NEGR1: variants seen among roughly 807,000 people sequenced by gnomAD.
The protein encoded by NEGR1 is IgLON family member 4.
Under a neutral mutation model 40.9 loss-of-function variants are expected in NEGR1, and 10 were observed. That is an observed-to-expected ratio of 0.24 (90% CI 0.15 to 0.42). The LOEUF (loss-of-function observed/expected upper bound fraction) is 0.42, where lower values mean the gene tolerates loss of function less well. Ranked by LOEUF, NEGR1 falls within the 10% of genes least tolerant of loss-of-function variation. NEGR1 has a pLI of 1.00. For missense variants in NEGR1, 352 were observed against 438.9 expected (o/e 0.80, Z 1.77); for synonymous variants, 185 against 166.8 (o/e 1.11, Z -0.84).
intron 1 of NEGR1, among the ~76,000 whole-genome samples, chr1:72,016,672 C>T (rs1183383086): frequency 6.6e-6 from 1 of 152,168 alleles, no homozygotes; most frequent in Non-Finnish European, 1.5e-5. Flanking sequence ...TGCACAGCAA[C>T]TTATGAAAAC....
At chr1:72,103,726 C>T (rs1649028998) in intron 1 of NEGR1, among the ~76,000 whole-genome samples, 1 of 152,074 alleles carries the variant, frequency 6.6e-6, no homozygotes, top group African/African-American at 2.4e-5. Context: ...TTTATATTTT[C>T]TCTTTCTCCC....
At chr1:71,425,640 C>T (rs975435737) in intron 6 of NEGR1, among the ~76,000 whole-genome samples, 2 of 151,990 alleles carry the variant, frequency 1.3e-5, no homozygotes, top group Non-Finnish European at 2.9e-5. Flanking sequence ...CTGTGTGCAC[C>T]CCTCCACACA....
intron 4 of NEGR1, among the ~76,000 whole-genome samples, chr1:71,685,297 T>C (rs1253265181): frequency 6.6e-6 from 1 of 151,650 alleles, no homozygotes; most frequent in Non-Finnish European, 1.5e-5. Flanking sequence ...TCCTGGATTA[T>C]CAAATTCAAT....
At chr1:71,426,090 A>G (rs12142099) in intron 6 of NEGR1, among the ~76,000 whole-genome samples, 20,273 of 152,218 alleles carry the variant, frequency 0.13, 1,675 homozygotes, top group Middle Eastern at 0.21. Context: ...ATAATGAGTA[A>G]TGCCTTAGCT....
chr1:71,782,742 G>A (rs1656761647), intron 2 of NEGR1, among the ~76,000 whole-genome samples: 1 of 152,082 alleles, frequency 6.6e-6, no homozygotes, highest in Non-Finnish European at 1.5e-5. Flanking sequence ...CATAATATAA[G>A]TTCTGAGAAT....
intron 1 of NEGR1, among the ~76,000 whole-genome samples, chr1:71,990,918 A>ATATATTT (rs888701714): frequency 5.8e-5 from 6 of 104,206 alleles, no homozygotes; most frequent in African/African-American, 1.4e-4. Flanking sequence ...ATATATATAT[A>ATATATTT]TTTTTTTTTT....
At chr1:71,789,152 C>A (rs1418150644) in intron 2 of NEGR1, among the ~76,000 whole-genome samples, 1 of 152,090 alleles carries the variant, frequency 6.6e-6, no homozygotes, top group Non-Finnish European at 1.5e-5. Flanking sequence ...GATGAGGACC[C>A]TATCACAGAC....
intron 3 of NEGR1, among the ~76,000 whole-genome samples, chr1:71,705,201 TTA>T (rs1294087080): frequency 1.3e-5 from 2 of 152,146 alleles, no homozygotes; most frequent in African/African-American, 2.4e-5. Flanking sequence ...GAAGGCAAGG[TTA>T]TCTACTCTAA....
At chr1:71,565,016 C>T (rs1337055678) in intron 6 of NEGR1, among the ~76,000 whole-genome samples, 1 of 152,112 alleles carries the variant, frequency 6.6e-6, no homozygotes, top group African/African-American at 2.4e-5. Flanking sequence ...GGTAAGTACA[C>T]AAATTTTGCA....
At chr1:72,191,911 T>A (rs376510624) in intron 1 of NEGR1, among the ~76,000 whole-genome samples, 17 of 151,954 alleles carry the variant, frequency 1.1e-4, no homozygotes, top group African/African-American at 3.9e-4. Context: ...AAATCAATAC[T>A]CAGAAGCAAA....
chr1:72,213,915 A>C (rs974700913), intron 1 of NEGR1, among the ~76,000 whole-genome samples: 1 of 152,100 alleles, frequency 6.6e-6, no homozygotes, highest in Non-Finnish European at 1.5e-5. Context: ...ACAACAAAAA[A>C]AGAAAATTTC....
At chr1:71,685,192 C>T (rs760164674) in intron 4 of NEGR1, among the ~76,000 whole-genome samples, 6 of 152,098 alleles carry the variant, frequency 3.9e-5, no homozygotes, top group African/African-American at 1.4e-4. Context: ...GATTTCTCTT[C>T]CCATTTGGCT....
intron 1 of NEGR1, among the ~76,000 whole-genome samples, chr1:72,121,691 T>A (rs760838059): frequency 4.6e-5 from 7 of 151,796 alleles, no homozygotes; most frequent in Non-Finnish European, 8.8e-5. Context: ...TATCAATTGA[T>A]CTGTAAGAAC....
intron 1 of NEGR1, among the ~76,000 whole-genome samples, chr1:71,955,550 T>C (rs1050036294): frequency 6.6e-6 from 1 of 152,170 alleles, no homozygotes; most frequent in African/African-American, 2.4e-5. Flanking sequence ...TATACACTCA[T>C]TTCTTATATA....
At chr1:71,573,262 G>A (rs762502706) in intron 6 of NEGR1, among the ~76,000 whole-genome samples, 9 of 152,170 alleles carry the variant, frequency 5.9e-5, no homozygotes, top group Non-Finnish European at 1.0e-4. Context: ...AGATTGATAC[G>A]AAGTATGTAC....
intron 3 of NEGR1, among the ~76,000 whole-genome samples, chr1:71,757,804 G>A (rs1655794008): frequency 6.6e-6 from 1 of 152,040 alleles, no homozygotes; most frequent in African/African-American, 2.4e-5. Context: ...CACCAGTTTA[G>A]AAGGGCAATC....
At chr1:71,991,161 A>G (rs1646447189) in intron 1 of NEGR1, among the ~76,000 whole-genome samples, 1 of 152,132 alleles carries the variant, frequency 6.6e-6, no homozygotes, top group African/African-American at 2.4e-5. Flanking sequence ...TACAAGGACT[A>G]TTGCAATTAC....
At chr1:72,121,205 G>T (rs924049799) in intron 1 of NEGR1, among the ~76,000 whole-genome samples, 6 of 151,916 alleles carry the variant, frequency 3.9e-5, no homozygotes, top group Non-Finnish European at 7.4e-5. Context: ...ACACCCCAAA[G>T]CCAAAGTCAA....
intron 4 of NEGR1, among the ~76,000 whole-genome samples, chr1:71,677,401 C>T (rs1054281917): frequency 1.3e-5 from 2 of 152,068 alleles, no homozygotes; most frequent in Admixed American, 1.3e-4. Flanking sequence ...TGATTATGTA[C>T]TATAATTAAA....
Sources: gnomAD v4.1 joint callset for allele counts (sites outside exome capture counted in the v4.1 genomes callset) on GRCh38, gnomAD v4.1.1 for gene constraint, MANE v1.5 for transcripts, NCBI Gene and HGNC (gene_info 2026-07-23, HGNC 2026-07-21) for gene names.